Variants in ABCA13 observed in about 807,000 individuals in gnomAD.
ABCA13 encodes ATP-binding cassette sub-family A member 13.
ABCA13 carries 476 observed loss-of-function variants against 478.7 expected under a neutral mutation model. The ratio of observed to expected loss-of-function variants is 0.99; its 90% CI spans 0.92 to 1.07. The LOEUF (loss-of-function observed/expected upper bound fraction) is 1.07. ABCA13 is among the 50% of genes least tolerant of loss of function. ABCA13 has a pLI of 0.00. For synonymous variants in ABCA13, 2,252 were observed against 2,158.9 expected, an observed-to-expected ratio of 1.04 and a Z score of -1.20; for missense variants, 6,060 against 5,910.6, an observed-to-expected ratio of 1.03 and a Z score of -0.83.
rs564820581 is a variant in ABCA13 at position 48,607,137 on chromosome 7, GGGC to G, written c.14745-8147_14745-8145del. On this transcript the variant is annotated intron_variant, in intron 58 of 61. Coordinates refer to ENST00000435803, the MANE Select transcript of ABCA13 (RefSeq NM_152701.5). ...TCAAGCCCGTGGATCTTAGTTTGCTGGGCTCTGTGGGGGTGGGACCCGCTGAGC... is the reference window on the plus strand; with the variant it reads ...TCAAGCCCGTGGATCTTAGTTTGCTGTCTGTGGGGGTGGGACCCGCTGAGC... 1.0e-3 allele frequency among the ~76,000 whole-genome samples: 159 copies of G among 152,302 alleles called. 2 individuals carry two copies. The highest frequency in any genetic ancestry group is 3.7e-3 in the African/African-American group (152 of 41,574).
intron 19 of ABCA13, among the ~76,000 whole-genome samples, chr7:48,286,535 C>T (rs1007731035): frequency 1.8e-4 from 27 of 151,952 alleles, no homozygotes; most frequent in African/African-American, 5.6e-4. Flanking sequence ...GACAGAGTCT[C>T]GCTCTGTCGC....
At chr7:48,626,145 A>G (rs1793643161) in intron 59 of ABCA13, among the ~76,000 whole-genome samples, 1 of 152,204 alleles carries the variant, frequency 6.6e-6, no homozygotes, top group Non-Finnish European at 1.5e-5. Context: ...GTGGGTAATA[A>G]GGCATGAGCC....
intron 43 of ABCA13, among the ~76,000 whole-genome samples, chr7:48,461,324 G>C (rs117826590): frequency 6.6e-6 from 1 of 151,958 alleles, no homozygotes; most frequent in African/African-American, 2.4e-5. Context: ...ACCAGGCTTC[G>C]TCCAGGTCAT....
chr7:48,285,353 T>C (rs1298475962), intron 19 of ABCA13, among the ~76,000 whole-genome samples: 10 of 151,916 alleles, frequency 6.6e-5, no homozygotes, highest in Non-Finnish European at 1.3e-4. Context: ...GAGCCAGGGA[T>C]TGGGAGAGGC....
rs192083637 is a variant in ABCA13 at position 48,275,444 on chromosome 7, G to A, written c.5778G>A (p.Pro1926=). Residue 1926 remains proline, a synonymous_variant, in exon 17 of 62, where the codon CCG becomes CCA. Coordinates refer to ENST00000435803, the MANE Select transcript of ABCA13 (RefSeq NM_152701.5). The part of the protein sequence containing the change: ...TVQKFWHKIL[P]FVPPSINQTR... ...AGAAATTTTGGCATAAGATATTACC[G>A]TTTGTCCCACCTTCAATAAATCAAA... is the stretch of plus-strand genomic sequence containing the variant. The A allele has an allele frequency of 2.8e-3, 4,485 of 1,613,836 alleles. 13 individuals carry two copies. The highest frequency in any genetic ancestry group is 4.9e-3 in the Middle Eastern group (30 of 6,062).
At chr7:48,220,216 G>A (rs1398074723) in intron 4 of ABCA13, among the ~76,000 whole-genome samples, 1 of 152,060 alleles carries the variant, frequency 6.6e-6, no homozygotes, top group African/African-American at 2.4e-5. Flanking sequence ...TCAGAAATAG[G>A]CAGCCAGTTG....
chr7:48,312,278 G>T (rs1231457542), intron 24 of ABCA13, among the ~76,000 whole-genome samples: 1 of 152,204 alleles, frequency 6.6e-6, no homozygotes, highest in East Asian at 1.9e-4. Context: ...GAAATTAGCT[G>T]TGATTTTCCC....
chr7:48,445,647 T>C (rs112648394), intron 42 of ABCA13, among the ~76,000 whole-genome samples: 3 of 152,308 alleles, frequency 2.0e-5, no homozygotes, highest in African/African-American at 7.2e-5. Context: ...ACCAAGTTAC[T>C]TCCCTCCTGA....
At chr7:48,627,090 G>T in intron 59 of ABCA13, 1 of 969,226 alleles carries the variant, frequency 1.0e-6, no homozygotes, top group Non-Finnish European at 1.2e-6. Context: ...TAGGCAATTT[G>T]CCAAATGCTT....
In ABCA13 at chr7:48,543,318, C is replaced by A. The variant is rs184589243; in HGVS notation, c.14354+14973C>A. Among the ~76,000 whole-genome samples the A allele has an allele frequency of 2.2e-4, 34 of 151,694 alleles. No homozygotes were observed. The East Asian group carries it at 3.1e-3, about 14-fold the overall frequency. ...TTACTGTATAGTGATAAGGAAAAGA[C>A]TACAATTACAATACAAATAGGCTAG... On this transcript the variant is annotated intron_variant, in intron 55 of 61. Transcript: ENST00000435803.
intron 58 of ABCA13, among the ~76,000 whole-genome samples, chr7:48,601,338 A>T (rs1020891360): frequency 4.6e-5 from 7 of 152,086 alleles, no homozygotes; most frequent in African/African-American, 1.4e-4. Context: ...TCAACCTGTC[A>T]TCTACATTAG....
intron 1 of ABCA13, among the ~76,000 whole-genome samples, chr7:48,173,568 C>T (rs1328114942): frequency 6.6e-6 from 1 of 152,176 alleles, no homozygotes; most frequent in Non-Finnish European, 1.5e-5. Context: ...ATGAAACCAC[C>T]TCTTGGGATA....
intron 6 of ABCA13, among the ~76,000 whole-genome samples, chr7:48,228,236 C>T (rs996298357): frequency 1.3e-5 from 2 of 152,130 alleles, no homozygotes; most frequent in South Asian, 2.1e-4. Flanking sequence ...TGGGGAGGTC[C>T]CCGTTCTGGC....
intron 29 of ABCA13, among the ~76,000 whole-genome samples, chr7:48,349,588 A>T (rs1376452632): frequency 3.3e-5 from 5 of 152,192 alleles, no homozygotes; most frequent in Non-Finnish European, 4.4e-5. Context: ...CTGGGTGCCA[A>T]GCAAGCAAAA....
intron 47 of ABCA13, among the ~76,000 whole-genome samples, chr7:48,484,873 C>A (rs886884761): frequency 6.6e-6 from 1 of 152,192 alleles, no homozygotes; most frequent in African/African-American, 2.4e-5. Flanking sequence ...GAACTGCTGG[C>A]GGCTGATACT....
At chr7:48,370,222 T>C (rs1812417202) in intron 32 of ABCA13, among the ~76,000 whole-genome samples, 1 of 152,206 alleles carries the variant, frequency 6.6e-6, no homozygotes, top group Non-Finnish European at 1.5e-5. Flanking sequence ...GCAGAGCTAC[T>C]GATTTGTGTA....
intron 59 of ABCA13, among the ~76,000 whole-genome samples, chr7:48,625,229 A>G (rs1793553111): frequency 2.0e-5 from 3 of 152,210 alleles, no homozygotes; most frequent in African/African-American, 7.2e-5. Context: ...GACTTAATAT[A>G]TCTATAAACC....
intron 55 of ABCA13, among the ~76,000 whole-genome samples, chr7:48,530,257 T>C (rs891283328): frequency 1.4e-4 from 21 of 152,064 alleles, no homozygotes; most frequent in Admixed American, 4.6e-4. Flanking sequence ...TGGCTGCCAA[T>C]GCCATTATTT....
chr7:48,438,845 C>G lies in ABCA13; in HGVS notation c.12565+10974C>G, dbSNP rs535994355. Among the ~76,000 whole-genome samples, 15 of 151,224 alleles carry G rather than the reference C, an allele frequency of 9.9e-5. No homozygotes were observed. In the South Asian group the frequency reaches 3.1e-3, roughly 32 times the overall value. On this transcript the variant is annotated intron_variant, in intron 42 of 61. Coordinates refer to ENST00000435803, the MANE Select transcript of ABCA13 (RefSeq NM_152701.5). ...CTTTGTTGCTAACAAATTCTGTTTT[C>G]CACATAACCACATAACTGCAGAAGA... is the stretch of plus-strand genomic sequence containing the variant.
Sources: allele counts gnomAD v4.1 joint callset (sites outside exome capture counted in the v4.1 genomes callset), GRCh38; gene constraint gnomAD v4.1.1; transcripts MANE v1.5; gene names NCBI Gene and HGNC (gene_info 2026-07-23, HGNC 2026-07-21).